Variants in KCNH7 observed in about 807,000 individuals in gnomAD.
KCNH7 encodes the protein potassium voltage-gated channel subfamily H member 7.
Under a neutral mutation model 120.8 loss-of-function variants are expected in KCNH7, and 49 were observed. The ratio of observed to expected loss-of-function variants is 0.41; its 90% CI spans 0.32 to 0.51. KCNH7 has a LOEUF of 0.51. Ranked by LOEUF, KCNH7 falls within the 20% of genes least tolerant of loss-of-function variation. The pLI is 0.38. For synonymous variants in KCNH7, 547 were observed against 516.1 expected, an observed-to-expected ratio of 1.06 and a Z score of -0.81; for missense variants, 1,097 against 1,446.6, an observed-to-expected ratio of 0.76 and a Z score of 3.92.
intron 2 of KCNH7, among the ~76,000 whole-genome samples, chr2:162,754,276 G>C (rs1438107545): frequency 6.6e-6 from 1 of 152,020 alleles, no homozygotes; most frequent in African/African-American, 2.4e-5. Context: ...TACAAGAGTA[G>C]TAGAAATGAG....
rs1345455692 is a variant in KCNH7, at chr2:162,384,693, C to A, written c.2957G>T (p.Cys986Phe). The change falls in exon 13 of 16, where the codon TGC (cysteine) becomes TTC (phenylalanine). Residue 986 changes from cysteine (C) to phenylalanine (F), a missense_variant. Around this residue, in one of 8 missense-constraint regions of KCNH7, gnomAD observed 406 missense variants for 410.5 expected, o/e 0.99. Coordinates refer to ENST00000332142, the MANE Select transcript of KCNH7 (RefSeq NM_033272.4). Reference sequence around the variant, plus strand: ...GATGTCTAACTCTGGATTACCTTTGCAAGAGTGACTTCTTTTATCTATGTG... The same window carrying A: ...GATGTCTAACTCTGGATTACCTTTGAAAGAGTGACTTCTTTTATCTATGTG... Reference protein sequence around the residue: ...RMHIDKRSHSCKDITDMRSWE... With the variant: ...RMHIDKRSHSFKDITDMRSWE... The A allele has an allele frequency of 6.2e-7, 1 of 1,612,072 alleles. No homozygotes were observed. The highest frequency in any genetic ancestry group is 2.2e-5 in the East Asian group (1 of 44,790).
chr2:162,815,326 T>A (rs1014051060), intron 2 of KCNH7, among the ~76,000 whole-genome samples: 1 of 152,090 alleles, frequency 6.6e-6, no homozygotes, highest in African/African-American at 2.4e-5. Flanking sequence ...TATTAAAAAA[T>A]GAGACATGTT....
At chr2:162,417,356 A>G (rs886295104) in intron 9 of KCNH7, among the ~76,000 whole-genome samples, 1 of 152,122 alleles carries the variant, frequency 6.6e-6, no homozygotes, top group Admixed American at 6.6e-5. Context: ...TTATCAAGTG[A>G]TCTGAAACTG....
At chr2:162,470,789 T>C (rs898860734) in intron 6 of KCNH7, among the ~76,000 whole-genome samples, 2 of 152,154 alleles carry the variant, frequency 1.3e-5, no homozygotes, top group Non-Finnish European at 2.9e-5. Context: ...CAATGGTGGT[T>C]TTGTGGAATA....
chr2:162,445,334 C>A (rs1332514253), intron 7 of KCNH7, among the ~76,000 whole-genome samples: 1 of 152,068 alleles, frequency 6.6e-6, no homozygotes, highest in Non-Finnish European at 1.5e-5. Context: ...TTCTATAAAT[C>A]TTTCTGTTAC....
At chr2:162,531,526 G>A (rs535668804) in intron 3 of KCNH7, among the ~76,000 whole-genome samples, 1 of 152,028 alleles carries the variant, frequency 6.6e-6, no homozygotes, top group East Asian at 2.0e-4. Flanking sequence ...CATTAGAAGT[G>A]TACTCTCAGG....
chr2:162,630,360 T>C (rs1683722038), intron 2 of KCNH7, among the ~76,000 whole-genome samples: 1 of 151,984 alleles, frequency 6.6e-6, no homozygotes, highest in South Asian at 2.1e-4. Flanking sequence ...TAGATGAGAT[T>C]ATCTAGGAAA....
rs113648272 is a variant in KCNH7, at chr2:162,450,849, T to C, written c.1129-4406A>G. Among the ~76,000 whole-genome samples, 502 of 152,020 alleles carry C rather than the reference T, an allele frequency of 3.3e-3. 3 individuals are homozygous for C. Among genetic ancestry groups the C allele is most frequent in the African/African-American group, 0.011 (472 of 41,474 alleles). ...TTAGAGATCAATTAGGACTTTGGTA[T>C]GCCAGGAGGGAAGTAATGGAAGCCT... On this transcript the variant is annotated intron_variant, in intron 6 of 15. Coordinates refer to ENST00000332142, the MANE Select transcript of KCNH7 (RefSeq NM_033272.4).
At chr2:162,481,965 C>CATCT (rs35463005) in intron 6 of KCNH7, among the ~76,000 whole-genome samples, 24,517 of 151,140 alleles carry the variant, frequency 0.16, 2,840 homozygotes, top group African/African-American at 0.3. Context: ...ATCTATCTAT[C>CATCT]ATCTATCTAT....
intron 2 of KCNH7, among the ~76,000 whole-genome samples, chr2:162,768,778 G>T (rs1251715040): frequency 7.2e-6 from 1 of 138,118 alleles, no homozygotes; most frequent in African/African-American, 3.0e-5. Context: ...GGTTCCCCAT[G>T]TCGAATCGCC....
intron 2 of KCNH7, among the ~76,000 whole-genome samples, chr2:162,704,053 T>C (rs1047798938): frequency 1.3e-5 from 2 of 152,120 alleles, no homozygotes; most frequent in African/African-American, 4.8e-5. Context: ...GCTACACATT[T>C]TAAAGGGTTA....
chr2:162,700,039 G>A (rs1686438705), intron 2 of KCNH7, among the ~76,000 whole-genome samples: 2 of 151,968 alleles, frequency 1.3e-5, no homozygotes, highest in Non-Finnish European at 2.9e-5. Flanking sequence ...AGTTGGCATC[G>A]ACCTCTGTAG....
chr2:162,690,403 G>A (rs1279065838), intron 2 of KCNH7, among the ~76,000 whole-genome samples: 2 of 151,990 alleles, frequency 1.3e-5, no homozygotes, highest in East Asian at 1.9e-4. Context: ...AAAGTTTTTA[G>A]TGCCTTTCAG....
intron 3 of KCNH7, among the ~76,000 whole-genome samples, chr2:162,526,200 G>T (rs1691699151): frequency 6.6e-6 from 1 of 151,854 alleles, no homozygotes; most frequent in Admixed American, 6.6e-5. Flanking sequence ...AATAGGGTGT[G>T]GGTCACAGAG....
chr2:162,379,157 C>T (rs1046780624), intron 14 of KCNH7, among the ~76,000 whole-genome samples: 2 of 152,142 alleles, frequency 1.3e-5, no homozygotes, highest in Non-Finnish European at 2.9e-5. Context: ...GAATATCTTG[C>T]CTGGTGGTGA....
At chr2:162,571,432 G>C (rs1379956369) in intron 2 of KCNH7, among the ~76,000 whole-genome samples, 2 of 147,646 alleles carry the variant, frequency 1.4e-5, no homozygotes, top group Non-Finnish European at 3.0e-5. Flanking sequence ...CATGCTCATG[G>C]GTAGGAAGAA....
chr2:162,702,255 A>T (rs1686536801), intron 2 of KCNH7, among the ~76,000 whole-genome samples: 2 of 152,186 alleles, frequency 1.3e-5, no homozygotes, highest in Non-Finnish European at 2.9e-5. Context: ...TAGAAATCAG[A>T]CAAAGCTAGA....
intron 2 of KCNH7, among the ~76,000 whole-genome samples, chr2:162,599,878 T>C (rs1694496425): frequency 7.2e-6 from 1 of 138,892 alleles, no homozygotes; most frequent in African/African-American, 3.0e-5. Flanking sequence ...AAGTACAGAT[T>C]ACAATTCACT....
At chr2:162,659,758 ATATCT>A (rs1253981938) in intron 2 of KCNH7, among the ~76,000 whole-genome samples, 1 of 151,992 alleles carries the variant, frequency 6.6e-6, no homozygotes, top group South Asian at 2.1e-4. Context: ...TTTTCTTGTA[ATATCT>A]TCATCTGGTT....
Sources: gnomAD v4.1 joint callset for allele counts (sites outside exome capture counted in the v4.1 genomes callset) on GRCh38, gnomAD v4.1.1 for gene constraint, gnomAD v4.1.1 regional missense constraint, MANE v1.5 for transcripts, NCBI Gene and HGNC (gene_info 2026-07-23, HGNC 2026-07-21) for gene names.